CDH2: variants seen among roughly 807,000 people sequenced by gnomAD.
CDH2 encodes the protein cadherin 2, also known as cadherin-2.
A neutral mutation model predicts 92.0 loss-of-function variants in CDH2; 17 were observed. The observed-to-expected ratio is 0.18, with a 90% CI of 0.13 to 0.28. CDH2 has a LOEUF of 0.28. Among genes scored for constraint, CDH2 ranks in the 10% least tolerant of loss-of-function variants. CDH2 has a pLI of 1.00. For missense variants in CDH2, 862 were observed against 1,133.1 expected (o/e 0.76, Z 3.44); for synonymous variants, 419 against 415.9 (o/e 1.01, Z -0.09).
intron 15 of CDH2, among the ~76,000 whole-genome samples, chr18:27,955,415 TA>T (rs757894669): frequency 0.01 from 1,175 of 115,902 alleles, 5 homozygotes; most frequent in East Asian, 0.027. Flanking sequence ...AATGACAAGT[TA>T]AAAAAAAAAA....
At chr18:28,036,219 G>C (rs908851778) in intron 2 of CDH2, among the ~76,000 whole-genome samples, 2 of 152,096 alleles carry the variant, frequency 1.3e-5, no homozygotes, top group African/African-American at 4.8e-5. Context: ...GAGAAGACAA[G>C]AGTGAAATAC....
chr18:28,026,450 T>A (rs970726471), intron 2 of CDH2, among the ~76,000 whole-genome samples: 2 of 152,050 alleles, frequency 1.3e-5, no homozygotes, highest in African/African-American at 4.8e-5. Flanking sequence ...GGGGAGTAGG[T>A]ATAATTATAG....
chr18:27,992,747 C>A lies in CDH2; in HGVS notation c.1252G>T (p.Ala418Ser). 1 of 1,613,846 alleles carries A rather than the reference C, an allele frequency of 6.2e-7. No homozygotes were observed. Among genetic ancestry groups the A allele is most frequent in the Non-Finnish European group, 8.5e-7 (1 of 1,179,784 alleles). ...TCTCCGCCACTGATTCTGTACACTGCGTTCCAGGCTGGTGTATGGGGTTGA... is the reference window on the plus strand; with the variant it reads ...TCTCCGCCACTGATTCTGTACACTGAGTTCCAGGCTGGTGTATGGGGTTGA... Reference protein sequence around the residue: ...KDQPHTPAWNAVYRISGGDPT... With the variant: ...KDQPHTPAWNSVYRISGGDPT... The change falls in exon 9 of 16, where the codon GCA becomes TCA. Residue 418 changes from alanine (A) to serine (S), a missense_variant. Transcript: ENST00000269141.
At chr18:28,136,309 T>C (rs893563117) in intron 2 of CDH2, among the ~76,000 whole-genome samples, 3 of 151,804 alleles carry the variant, frequency 2.0e-5, no homozygotes, top group East Asian at 1.9e-4. Flanking sequence ...AGCAGTTTAA[T>C]GAAGGAAGGA....
chr18:28,148,252 A>G (rs1425877288), intron 1 of CDH2, among the ~76,000 whole-genome samples: 2 of 152,222 alleles, frequency 1.3e-5, no homozygotes, highest in Admixed American at 1.3e-4. Context: ...TAAAAATAAA[A>G]TTATAATATA....
chr18:27,997,395 T>C (rs1426824148), intron 7 of CDH2, among the ~76,000 whole-genome samples: 1 of 151,926 alleles, frequency 6.6e-6, no homozygotes, highest in East Asian at 1.9e-4. Flanking sequence ...AGGCAGAGAG[T>C]AAAGGATCAC....
At chr18:27,958,728 T>A (rs2011320672) in intron 15 of CDH2, among the ~76,000 whole-genome samples, 1 of 152,170 alleles carries the variant, frequency 6.6e-6, no homozygotes. Flanking sequence ...ATATTTCCCA[T>A]AATCCCCACA....
At chr18:28,167,727 C>T (rs2016407202) in intron 1 of CDH2, among the ~76,000 whole-genome samples, 1 of 151,996 alleles carries the variant, frequency 6.6e-6, no homozygotes, top group South Asian at 2.1e-4. Flanking sequence ...GTATATTTTC[C>T]TGTATGCATT....
At chr18:28,147,236 T>C (rs987364093) in intron 2 of CDH2, among the ~76,000 whole-genome samples, 1 of 152,098 alleles carries the variant, frequency 6.6e-6, no homozygotes, top group African/African-American at 2.4e-5. Context: ...GTAATTCAGC[T>C]ATATATTAAA....
chr18:28,039,658 T>C (rs1277519665), intron 2 of CDH2, among the ~76,000 whole-genome samples: 1 of 152,146 alleles, frequency 6.6e-6, no homozygotes, highest in Non-Finnish European at 1.5e-5. Context: ...GCTCTATCAG[T>C]GCCAAGTCAG....
intron 2 of CDH2, among the ~76,000 whole-genome samples, chr18:28,114,168 C>T (rs1340828245): frequency 6.6e-6 from 1 of 152,058 alleles, no homozygotes; most frequent in African/African-American, 2.4e-5. Flanking sequence ...AACAATATTT[C>T]ATAGTTTCAA....
Position 28,009,789 on chromosome 18 carries a change from G to A in CDH2, c.630C>T (p.Phe210=), listed in dbSNP as rs375676723. 36 of 1,613,932 alleles carry A rather than the reference G, an allele frequency of 2.2e-5. No individual in the cohort carries two copies. Among genetic ancestry groups the A allele is most frequent in the Middle Eastern group, 3.3e-4 (2 of 6,036 alleles). ...GCTGACCCGAGATGGGGTTGATAAT[G>A]AAGATACCAGTTGGAGGCTGGTCAG... ...PGADQPPTGI[F]IINPISGQLS... The change falls in exon 5 of 16, where the codon TTC becomes TTT. Residue 210 remains phenylalanine (F), a synonymous_variant. Coordinates refer to ENST00000269141, the MANE Select transcript of CDH2 (RefSeq NM_001792.5).
At chr18:27,989,558 T>C (rs1344796179) in intron 10 of CDH2, among the ~76,000 whole-genome samples, 2 of 152,138 alleles carry the variant, frequency 1.3e-5, no homozygotes, top group Non-Finnish European at 2.9e-5. Context: ...TCGCATGGGG[T>C]GTGCTCTGGC....
chr18:27,962,707 C>A (rs572240339), intron 15 of CDH2, among the ~76,000 whole-genome samples: 17 of 152,294 alleles, frequency 1.1e-4, no homozygotes, highest in African/African-American at 4.1e-4. Flanking sequence ...CAGCACAAAT[C>A]ATTGAACTTC....
At chr18:27,968,891 CAAAA>C (rs2011590479) in intron 14 of CDH2, among the ~76,000 whole-genome samples, 1 of 152,076 alleles carries the variant, frequency 6.6e-6, no homozygotes, top group African/African-American at 2.4e-5. Flanking sequence ...ACTTCAGACA[CAAAA>C]AGAAATGGAA....
At chr18:27,954,336 C>A (rs1909604694) in intron 15 of CDH2, among the ~76,000 whole-genome samples, 1 of 152,194 alleles carries the variant, frequency 6.6e-6, no homozygotes, top group Admixed American at 6.5e-5. Context: ...GCAGAACACA[C>A]ACCCACACTC....
chr18:28,074,199 C>T (rs933013198), intron 2 of CDH2, among the ~76,000 whole-genome samples: 2 of 152,146 alleles, frequency 1.3e-5, no homozygotes, highest in Non-Finnish European at 2.9e-5. Context: ...ACTCACTTCT[C>T]AAGCAAAGAT....
chr18:28,071,931 C>T (rs1238297779), intron 2 of CDH2, among the ~76,000 whole-genome samples: 1 of 152,042 alleles, frequency 6.6e-6, no homozygotes, highest in Non-Finnish European at 1.5e-5. Context: ...AATTACTCTT[C>T]GAAGATCCTA....
In CDH2 at chr18:27,985,099, C is replaced by T. The variant is rs1206310024; in HGVS notation, c.2110G>A (p.Asp704Asn). Residue 704 changes from aspartate to asparagine, a missense_variant, in exon 13 of 16, where the codon GAC becomes AAC. Physicochemically the swap from Asp to Asn is conservative, Grantham distance 23 (BLOSUM62 1). This residue lies in a region of CDH2 where 564 missense variants were observed against 722.2 expected (regional missense o/e 0.78). Transcript: ENST00000269141. ...ACATCTGTGCAGTCCCCGTTGGAGT[C>T]ACACTGGCAAACCTTCACACGCAGG... is the stretch of plus-strand genomic sequence containing the variant. ...SILRVKVCQC[D>N]SNGDCTDVDR... The T allele has an allele frequency of 6.2e-7, 1 of 1,614,150 alleles. No individual in the cohort carries two copies. Among genetic ancestry groups the T allele is most frequent in the Admixed American group, 1.7e-5 (1 of 60,024 alleles).
Sources: allele counts gnomAD v4.1 joint callset (sites outside exome capture counted in the v4.1 genomes callset), GRCh38; gene constraint gnomAD v4.1.1; regional missense constraint gnomAD v4.1.1; transcripts MANE v1.5; gene names NCBI Gene and HGNC (gene_info 2026-07-23, HGNC 2026-07-21).